Variants in TNFRSF1B observed in about 807,000 individuals in gnomAD.
The protein encoded by TNFRSF1B is tumor necrosis factor receptor superfamily member 1B.
Under a neutral mutation model 44.6 loss-of-function variants are expected in TNFRSF1B, and 19 were observed. That is an observed-to-expected ratio of 0.43 (90% CI 0.30 to 0.62). The LOEUF (loss-of-function observed/expected upper bound fraction) is 0.62, where lower values mean the gene tolerates loss of function less well. Ranked by LOEUF, TNFRSF1B falls within the 20% of genes least tolerant of loss-of-function variation. TNFRSF1B has a pLI of 0.16. For synonymous variants in TNFRSF1B, 252 were observed against 261.1 expected, an observed-to-expected ratio of 0.97 and a Z score of 0.34; for missense variants, 541 against 619.9, an observed-to-expected ratio of 0.87 and a Z score of 1.35.
intron 8 of TNFRSF1B, 146 bp downstream of exon 8, chr1:12,194,764 G>A: frequency 2.0e-6 from 2 of 1,000,614 alleles, no homozygotes; most frequent in Non-Finnish European, 3.1e-6. Context: ...GGAAAGGCCG[G>A]GGAGTCAGGC....
rs1302369842 is a variant in TNFRSF1B, at chr1:12,202,097, C to A, written c.1031C>A (p.Thr344Asn). The A allele has an allele frequency of 1.3e-6, 2 of 1,579,422 alleles. No homozygotes were observed. Among genetic ancestry groups the A allele is most frequent in the East Asian group, 2.3e-5 (1 of 42,916 alleles). The change falls in exon 9 of 10, where the codon ACT (threonine) becomes AAT (asparagine). Residue 344 changes from threonine to asparagine, a missense_variant. By Grantham distance (65) the Thr-to-Asn change is moderately conservative. Transcript: ENST00000376259. ...AGTGCGTTGGACAGAAGGGCGCCCA[C>A]TCGGAACCAGCCACAGGCACCAGGC... ...SASALDRRAPTRNQPQAPGVE... is the reference protein window; with the variant it reads ...SASALDRRAPNRNQPQAPGVE...
chr1:12,176,211 C>T (rs1638652536), intron 1 of TNFRSF1B, among the ~76,000 whole-genome samples: 1 of 151,982 alleles, frequency 6.6e-6, no homozygotes, highest in African/African-American at 2.4e-5. Context: ...AGAACGAGAC[C>T]CTGTCTCAAA....
At position 12,183,228 on chromosome 1, in the gene TNFRSF1B, CTG is replaced by C. The variant is rs1370536331; in HGVS notation, c.79-5565_79-5564del. Among the ~76,000 whole-genome samples the C allele has an allele frequency of 6.6e-5, 10 of 152,186 alleles. No individual in the cohort carries two copies. The East Asian group carries it at 1.9e-3, about 29-fold the overall frequency. ...ACCCAGATGGGAGGCGGCTCAGAGA[CTG>C]TGGGTGGGCCCTGATGAGCTTCTTA... On this transcript the variant is annotated intron_variant, in intron 1 of 9. Coordinates refer to ENST00000376259, the MANE Select transcript of TNFRSF1B (RefSeq NM_001066.3).
rs369282309 is a variant in TNFRSF1B, at chr1:12,183,952, A to T, written c.79-4844A>T. Among the ~76,000 whole-genome samples, 59 of 152,268 alleles carry T rather than the reference A, an allele frequency of 3.9e-4. 2 individuals are homozygous for T. The highest frequency in any genetic ancestry group is 9.4e-4 in the African/African-American group (39 of 41,550). ...TAAATAAATGGTCAGTTAACCCTCA[A>T]CAGTGATTTTCAATTTTTCACTTGA... On this transcript the variant is annotated intron_variant, in intron 1 of 9. Transcript: ENST00000376259.
intron 9 of TNFRSF1B, among the ~76,000 whole-genome samples, chr1:12,206,242 C>A (rs1041981572): frequency 3.8e-4 from 57 of 151,396 alleles, no homozygotes; most frequent in African/African-American, 1.4e-3. Context: ...TAGCAGGGTG[C>A]GGTGGCCTGT....
At chr1:12,181,477 C>T (rs1638803856) in intron 1 of TNFRSF1B, among the ~76,000 whole-genome samples, 1 of 152,156 alleles carries the variant, frequency 6.6e-6, no homozygotes, top group Non-Finnish European at 1.5e-5. Context: ...TCCCATTTTA[C>T]AGGTGACAAT....
chr1:12,202,803 T>C (rs1639423098), intron 9 of TNFRSF1B, among the ~76,000 whole-genome samples: 1 of 152,236 alleles, frequency 6.6e-6, no homozygotes, highest in Non-Finnish European at 1.5e-5. Flanking sequence ...GTTAAACAGC[T>C]TCTTCAAGGG....
At chr1:12,179,031 C>T (rs531439011) in intron 1 of TNFRSF1B, among the ~76,000 whole-genome samples, 1 of 152,064 alleles carries the variant, frequency 6.6e-6, no homozygotes, top group Non-Finnish European at 1.5e-5. Context: ...TGGAGGGTGA[C>T]GGTGGGAGAG....
intron 8 of TNFRSF1B, among the ~76,000 whole-genome samples, chr1:12,195,795 A>G (rs936703748): frequency 2.0e-5 from 3 of 152,158 alleles, no homozygotes. Flanking sequence ...TTTTTACCCA[A>G]TTTGACAGAT....
At chr1:12,183,720 C>CCTATCTATCTATCTATCTATCTATCTAT in intron 1 of TNFRSF1B, among the ~76,000 whole-genome samples, 1 of 92,202 alleles carries the variant, frequency 1.1e-5, no homozygotes, top group South Asian at 4.1e-4. Flanking sequence ...ATTCTATCTA[C>CCTATCTATCTATCTATCTATCTATCTAT]CTATCTATCT....
At position 12,199,367 on chromosome 1, in the gene TNFRSF1B, G is replaced by C. The variant is rs1202091369; in HGVS notation, c.901-2600G>C. 6.6e-6 allele frequency among the ~76,000 whole-genome samples: 1 copy of C among 152,246 alleles called. No individual in the cohort carries two copies. Among genetic ancestry groups the C allele is most frequent in the Admixed American group, 6.5e-5 (1 of 15,290 alleles). On this transcript the variant is annotated intron_variant, in intron 8 of 9. Transcript: ENST00000376259. This position sits in a 1 kb window ranked among gnomAD's most constrained non-coding sequence, Gnocchi z 4.0. ...AATGCCCTCCATCTCTCCAAAACTG[G>C]GGGACCCAGCCCAGGGAGGGTGTGG...
At chr1:12,194,745 G>A (rs925254124) in intron 8 of TNFRSF1B, 127 bp downstream of exon 8, 4 of 1,224,756 alleles carry the variant, frequency 3.3e-6, no homozygotes, top group Non-Finnish European at 4.7e-6. Flanking sequence ...CAGAGCCCTG[G>A]GAGGTGGAGG....
At position 12,169,043 on chromosome 1, in the gene TNFRSF1B, T is replaced by TC. The variant is rs576689556; in HGVS notation, c.78+1878dup. On this transcript the variant is annotated intron_variant, in intron 1 of 9. Coordinates refer to ENST00000376259, the MANE Select transcript of TNFRSF1B (RefSeq NM_001066.3). The surrounding 1 kb of genome is among the most constrained non-coding windows in gnomAD (Gnocchi z 4.5). ...TGTGCAAAAAGCATTGTCCGTGCCA[T>TC]CCCCTCTCCAAGGGACACTTCTTAC... 4.6e-5 allele frequency among the ~76,000 whole-genome samples: 7 copies of TC among 152,128 alleles called. No individual in the cohort carries two copies. Among genetic ancestry groups the TC allele is most frequent in the Non-Finnish European group, 8.8e-5 (6 of 68,028 alleles).
chr1:12,201,847 C>A, intron 8 of TNFRSF1B, 120 bp from the exon 9 acceptor site: 1 of 1,358,936 alleles, frequency 7.4e-7, no homozygotes, highest in Non-Finnish European at 9.8e-7. Flanking sequence ...TGGGCAGAAA[C>A]GTCACGTAAA....
intron 1 of TNFRSF1B, among the ~76,000 whole-genome samples, chr1:12,176,175 C>T (rs569472734): frequency 6.6e-6 from 1 of 152,220 alleles, no homozygotes; most frequent in East Asian, 1.9e-4. Context: ...GCTGAGATCG[C>T]ACCATTGCAC....
chr1:12,205,767 A>G (rs1291522859), intron 9 of TNFRSF1B, among the ~76,000 whole-genome samples: 1 of 151,092 alleles, frequency 6.6e-6, no homozygotes, highest in Non-Finnish European at 1.5e-5. Flanking sequence ...GATTATAGGC[A>G]CCTGCCACCA....
chr1:12,201,252 C>T (rs1221748391), intron 8 of TNFRSF1B, among the ~76,000 whole-genome samples: 5 of 143,422 alleles, frequency 3.5e-5, no homozygotes, highest in African/African-American at 1.1e-4. Context: ...CAGGGTGAGA[C>T]CCTGTCTCAA....
intron 6 of TNFRSF1B, 51 bp downstream of exon 6, chr1:12,193,149 C>T (rs761941588): frequency 6.7e-7 from 1 of 1,485,784 alleles, no homozygotes; most frequent in South Asian, 1.2e-5. Flanking sequence ...GCCTGTCTTT[C>T]TGTCTCTCTT....
At chr1:12,181,004 C>T (rs1282781299) in intron 1 of TNFRSF1B, among the ~76,000 whole-genome samples, 1 of 152,168 alleles carries the variant, frequency 6.6e-6, no homozygotes, top group Non-Finnish European at 1.5e-5. Context: ...GCACTCTTCT[C>T]CTTTGCCCCA....
Sources: allele counts gnomAD v4.1 joint callset (sites outside exome capture counted in the v4.1 genomes callset), GRCh38; gene constraint gnomAD v4.1.1; non-coding constraint Gnocchi (gnomAD v3.1); transcripts MANE v1.5; gene names NCBI Gene and HGNC (gene_info 2026-07-23, HGNC 2026-07-21).